The following BAZ1A variants were observed in gnomAD, a reference collection of about 807,000 sequenced individuals.
The protein encoded by BAZ1A is bromodomain adjacent to zinc finger domain 1A.
Under a neutral mutation model 185.2 loss-of-function variants are expected in BAZ1A, and 50 were observed. That is an observed-to-expected ratio of 0.27 (90% confidence interval 0.22 to 0.34). The LOEUF is 0.34. Among genes scored for constraint, BAZ1A ranks in the 10% least tolerant of loss-of-function variants. BAZ1A has a pLI of 1.00. For synonymous variants in BAZ1A, 571 were observed against 615.6 expected (o/e 0.93, Z 1.07); for missense variants, 1,356 against 1,839.9 (o/e 0.74, Z 4.81).
intron 3 of BAZ1A, among the ~76,000 whole-genome samples, chr14:34,848,349 T>TA (rs1225718022): frequency 6.6e-6 from 1 of 152,126 alleles, no homozygotes; most frequent in African/African-American, 2.4e-5. Flanking sequence ...CTCGTGCCTG[T>TA]AATCCCAGAA....
chr14:34,780,256 T>G lies in BAZ1A; in HGVS notation c.2166A>C (p.Gln722His). The change falls in exon 17 of 27, where the codon CAA becomes CAC. Residue 722 changes from glutamine (Q) to histidine (H), a missense_variant. Around this residue, in one of 7 missense-constraint regions of BAZ1A, gnomAD observed 434 missense variants for 561.7 expected, o/e 0.77. Coordinates refer to ENST00000360310, the MANE Select transcript of BAZ1A (RefSeq NM_013448.3). ...TGACCATATCTTGATCTAATTCCTTTTGCTCTGTGTCTTTGCTCTCAATGC... is the reference window on the plus strand; with the variant it reads ...TGACCATATCTTGATCTAATTCCTTGTGCTCTGTGTCTTTGCTCTCAATGC... The part of the protein sequence containing the change: ...DTSIESKDTE[Q>H]KELDQDMVTE... The G allele has an allele frequency of 6.2e-7, 1 of 1,613,688 alleles. No homozygotes were observed. Among genetic ancestry groups the G allele is most frequent in the Non-Finnish European group, 8.5e-7 (1 of 1,179,802 alleles).
At position 34,754,885 on chromosome 14, in the gene BAZ1A, C is replaced by T. The variant is rs200455800; in HGVS notation, c.4416G>A (p.Lys1472=). Residue 1472 remains lysine (K), a synonymous_variant, in exon 26 of 27, where the codon AAG becomes AAA. Coordinates refer to ENST00000360310, the MANE Select transcript of BAZ1A (RefSeq NM_013448.3). Reference sequence around the variant, plus strand: ...CACGAATTATATTTAAGGCAATGGGCTTTTTGATGATGTCATAGTAGTCTG... The same window carrying T: ...CACGAATTATATTTAAGGCAATGGGTTTTTTGATGATGTCATAGTAGTCTG... ...QVPDYYDIIK[K]PIALNIIREK... The T allele has an allele frequency of 3.1e-6, 5 of 1,604,398 alleles. No individual in the cohort carries two copies. Among genetic ancestry groups the T allele is most frequent in the Non-Finnish European group, 4.3e-6 (5 of 1,175,452 alleles).
At chr14:34,832,887 C>T (rs1334170774) in intron 3 of BAZ1A, among the ~76,000 whole-genome samples, 2 of 152,106 alleles carry the variant, frequency 1.3e-5, no homozygotes, top group African/African-American at 4.8e-5. Flanking sequence ...GTATTATTCA[C>T]AATAGCTAAA....
At chr14:34,817,381 A>G (rs1040654853) in intron 4 of BAZ1A, among the ~76,000 whole-genome samples, 3 of 152,238 alleles carry the variant, frequency 2.0e-5, no homozygotes, top group Non-Finnish European at 2.9e-5. Flanking sequence ...TGAGGCCAAG[A>G]GTTTGAGACC....
rs538112883 is a variant in BAZ1A, at chr14:34,833,057, T to C, written c.393-6901A>G. Among the ~76,000 whole-genome samples the C allele has an allele frequency of 2.6e-5, 4 of 151,906 alleles. No individual in the cohort carries two copies. The East Asian group carries it at 7.7e-4, about 29-fold the overall frequency. ...CATGTTCATAGGCTGGGCAACAGAG[T>C]GAGACCCCCAACTCTACAAAACAAA... is the stretch of plus-strand genomic sequence containing the variant. On this transcript the variant is annotated intron_variant, in intron 3 of 26. Transcript: ENST00000360310.
At chr14:34,786,666 GGCAC>G (rs1436542878) in intron 12 of BAZ1A, 1 of 135,306 alleles carries the variant, frequency 7.4e-6, no homozygotes, top group Non-Finnish European at 1.5e-5. Flanking sequence ...GGAGTGCAGT[GGCAC>G]GATCTCGGCT....
chr14:34,805,746 C>T (rs1881820311), intron 6 of BAZ1A, among the ~76,000 whole-genome samples: 1 of 152,116 alleles, frequency 6.6e-6, no homozygotes, highest in South Asian at 2.1e-4. Context: ...TATATTTCAT[C>T]CACGGTGAAT....
At chr14:34,815,239 A>C (rs2138687289) in intron 4 of BAZ1A, among the ~76,000 whole-genome samples, 1 of 152,304 alleles carries the variant, frequency 6.6e-6, no homozygotes, top group Middle Eastern at 3.4e-3. Flanking sequence ...TGCTATCTAT[A>C]ATACTTATGC....
At chr14:34,764,999 T>G in intron 22 of BAZ1A, 22 bp downstream of exon 22, 1 of 1,613,452 alleles carries the variant, frequency 6.2e-7, no homozygotes, top group Non-Finnish European at 8.5e-7. Flanking sequence ...TCATTTCTAA[T>G]CTGATAAGAA....
chr14:34,794,872 T>G lies in BAZ1A; in HGVS notation c.1240A>C (p.Thr414Pro). 6.2e-7 allele frequency: 1 copy of G among 1,612,746 alleles called. No homozygotes were observed. Residue 414 changes from threonine (T) to proline (P), a missense_variant, in exon 11 of 27, where the codon ACA becomes CCA. Transcript: ENST00000360310. ...GGAGGTAGTCTAGTTTTCACTGGTG[T>G]TGGTTCTGGAAGTTCCTGAAATATT... ...CDDLKELPEPTPVKTRLPPEI... is the reference protein window; with the variant it reads ...CDDLKELPEPPPVKTRLPPEI...
At chr14:34,844,777 G>GCACACACACA (rs4007479) in intron 3 of BAZ1A, among the ~76,000 whole-genome samples, 91 of 86,852 alleles carry the variant, frequency 1.0e-3, no homozygotes, top group East Asian at 5.3e-4. Context: ...ACACACACGC[G>GCACACACACA]CACACACACA....
chr14:34,801,323 G>A (rs984368267), intron 7 of BAZ1A, 130 bp from the exon 8 acceptor site: 20 of 663,466 alleles, frequency 3.0e-5, no homozygotes, highest in South Asian at 1.1e-4. Flanking sequence ...ACAAAGTCTC[G>A]CTCTATCCCC....
At position 34,811,020 on chromosome 14, in the gene BAZ1A, T is replaced by C. The variant is rs145884653; in HGVS notation, c.553A>G (p.Ile185Val). ...SFQNGKKKDA[I>V]DPLLFKYKVQ... is the part of the protein sequence containing the mutation. ...TTATACTTGAATAGTAAGGGATCAA[T>C]TGCATCTTTTTTCTTCCTAAAAAGA... The change falls in exon 5 of 27, where the codon ATT (isoleucine) becomes GTT (valine). Residue 185 changes from isoleucine (I) to valine (V), a missense_variant. Ile to Val is a conservative substitution (Grantham distance 29). Coordinates refer to ENST00000360310, the MANE Select transcript of BAZ1A (RefSeq NM_013448.3). 86 of 1,592,326 alleles carry C rather than the reference T, an allele frequency of 5.4e-5. No homozygotes were observed. The African/African-American group carries it at 8.7e-4, about 16-fold the overall frequency.
At chr14:34,842,611 C>G (rs929041544) in intron 3 of BAZ1A, among the ~76,000 whole-genome samples, 22 of 151,986 alleles carry the variant, frequency 1.4e-4, no homozygotes, top group African/African-American at 4.4e-4. Context: ...ATAAAATAGT[C>G]AAGTAAAGTG....
chr14:34,803,147 G>A (rs1283392641), intron 6 of BAZ1A, among the ~76,000 whole-genome samples, 159 bp from the exon 7 acceptor site: 3 of 152,100 alleles, frequency 2.0e-5, no homozygotes, highest in South Asian at 2.1e-4. Context: ...TTGGGAGGCC[G>A]AGGCGGGCGG....
At chr14:34,837,982 A>G (rs2042355162) in intron 3 of BAZ1A, among the ~76,000 whole-genome samples, 1 of 152,226 alleles carries the variant, frequency 6.6e-6, no homozygotes, top group African/African-American at 2.4e-5. Context: ...AAAAATGCAT[A>G]GGAAAAGGCT....
chr14:34,776,143 T>C lies in BAZ1A; in HGVS notation c.2609A>G (p.Asn870Ser), dbSNP rs1879588598. The C allele has an allele frequency of 1.9e-6, 3 of 1,614,214 alleles. No homozygotes were observed. The highest frequency in any genetic ancestry group is 2.5e-6 in the Non-Finnish European group (3 of 1,180,040). Residue 870 changes from asparagine (N) to serine (S), a missense_variant, in exon 18 of 27, where the codon AAC becomes AGC. Coordinates refer to ENST00000360310, the MANE Select transcript of BAZ1A (RefSeq NM_013448.3). Reference sequence around the variant, plus strand: ...ATGGTCACGTGGACCTTGGTCAATGTTGGAGGTAGATTCAGACATCAAAGG... The same window carrying C: ...ATGGTCACGTGGACCTTGGTCAATGCTGGAGGTAGATTCAGACATCAAAGG... Reference protein sequence around the residue: ...GEPLMSESTSNIDQGPRDHSV... With the variant: ...GEPLMSESTSSIDQGPRDHSV...
chr14:34,866,660 A>G (rs2042866697), intron 2 of BAZ1A, among the ~76,000 whole-genome samples: 1 of 152,026 alleles, frequency 6.6e-6, no homozygotes, highest in South Asian at 2.1e-4. Context: ...CCTGTATACA[A>G]TGTGTAATGA....
intron 24 of BAZ1A, among the ~76,000 whole-genome samples, chr14:34,759,826 T>C (rs1784246808): frequency 1.3e-5 from 2 of 152,000 alleles, no homozygotes; most frequent in South Asian, 4.1e-4. Flanking sequence ...AGGTGCCTGC[T>C]ACCACACCCA....
Sources: allele counts gnomAD v4.1 joint callset (sites outside exome capture counted in the v4.1 genomes callset), GRCh38; gene constraint gnomAD v4.1.1; regional missense constraint gnomAD v4.1.1; transcripts MANE v1.5; gene names NCBI Gene and HGNC (gene_info 2026-07-23, HGNC 2026-07-21).